The following SLC26A7 variants were observed in gnomAD, a reference collection of about 807,000 sequenced individuals.
SLC26A7 encodes the protein solute carrier family 26 member 7.
In SLC26A7, 59 loss-of-function variants were observed where a neutral mutation model predicts 82.5. The ratio of observed to expected loss-of-function variants is 0.72; its 90% CI spans 0.58 to 0.89. The LOEUF is 0.89. SLC26A7 is among the 40% of genes least tolerant of loss of function. The probability of loss-of-function intolerance (pLI) is 0.00; values close to 1 mark genes in which losing one functional copy is unlikely to be tolerated. For missense variants in SLC26A7, 820 were observed against 793.0 expected (o/e 1.03, Z -0.41); for synonymous variants, 271 against 274.3 (o/e 0.99, Z 0.12).
intron 15 of SLC26A7, among the ~76,000 whole-genome samples, chr8:91,377,105 G>C (rs1451325741): frequency 6.6e-6 from 1 of 152,084 alleles, no homozygotes. Flanking sequence ...GGTGGTCCCT[G>C]CTCATTGTGC....
chr8:91,309,691 T>C (rs775017940), intron 4 of SLC26A7, among the ~76,000 whole-genome samples: 4 of 151,892 alleles, frequency 2.6e-5, no homozygotes, highest in Non-Finnish European at 5.9e-5. Context: ...AAAGTACACT[T>C]GGGAGGGGGT....
At chr8:91,387,210 ACTT>A (rs1285487574) in intron 15 of SLC26A7, among the ~76,000 whole-genome samples, 1 of 152,180 alleles carries the variant, frequency 6.6e-6, no homozygotes, top group Admixed American at 6.5e-5. Context: ...CAATCTTAAT[ACTT>A]TCCTATCTGT....
chr8:91,331,013 A>ATGG (rs978791210), intron 5 of SLC26A7, among the ~76,000 whole-genome samples: 2 of 152,068 alleles, frequency 1.3e-5, no homozygotes, highest in African/African-American at 4.8e-5. Flanking sequence ...TGGCTTGCAG[A>ATGG]TGGTGGCCTT....
At chr8:91,358,123 A>C (rs563274632) in intron 11 of SLC26A7, among the ~76,000 whole-genome samples, 2 of 152,158 alleles carry the variant, frequency 1.3e-5, no homozygotes, top group Non-Finnish European at 2.9e-5. Context: ...GGTGCTGGAG[A>C]GGATGTGGAG....
In SLC26A7 at chr8:91,370,338, C is replaced by T. The variant is rs373264151; in HGVS notation, c.1675+505C>T. Among the ~76,000 whole-genome samples, 11 of 151,806 alleles carry T rather than the reference C, an allele frequency of 7.2e-5. No individual in the cohort carries two copies. The South Asian group carries it at 1.0e-3, about 14-fold the overall frequency. Reference sequence around the variant, plus strand: ...TTTCCCTCTCTTTCTTCTTCCTCCTCTCCCACCTCTTTTCCTTTTCTCTCC... The same window carrying T: ...TTTCCCTCTCTTTCTTCTTCCTCCTTTCCCACCTCTTTTCCTTTTCTCTCC... On this transcript the variant is annotated intron_variant, in intron 15 of 18. Transcript: ENST00000276609.
chr8:91,381,672 G>A (rs574876956), intron 15 of SLC26A7, among the ~76,000 whole-genome samples: 9 of 152,136 alleles, frequency 5.9e-5, no homozygotes, highest in African/African-American at 9.6e-5. Context: ...GTGGCCCTTC[G>A]ATACTTGCCA....
chr8:91,244,735 G>C (rs909996940), upstream of SLC26A7, among the ~76,000 whole-genome samples: 10 of 151,568 alleles, frequency 6.6e-5, no homozygotes, highest in Admixed American at 6.6e-4. Flanking sequence ...TTCCCAGACT[G>C]GTCTCAAACT....
rs780192961 is a variant in SLC26A7, at chr8:91,366,665, A to G, written c.1574A>G (p.Asn525Ser). Residue 525 changes from asparagine (N) to serine (S), a missense_variant, in exon 14 of 19, where the codon AAC becomes AGC. Asn to Ser is a conservative substitution (Grantham distance 46, BLOSUM62 1). Coordinates refer to ENST00000276609, the MANE Select transcript of SLC26A7 (RefSeq NM_052832.4). Reference protein sequence around the residue: ...NAKKFYTDLMNMIQKENACNQ... With the variant: ...NAKKFYTDLMSMIQKENACNQ... ...AAAAAATTTTATACTGATTTAATGA[A>G]CATGATCCAAAAGGAAAATGCCTGT... The G allele has an allele frequency of 1.2e-6, 2 of 1,613,572 alleles. No homozygotes were observed. The highest frequency in any genetic ancestry group is 1.7e-6 in the Non-Finnish European group (2 of 1,179,826).
intron 2 of SLC26A7, among the ~76,000 whole-genome samples, chr8:91,228,063 C>T (rs1298189597): frequency 2.0e-5 from 3 of 152,200 alleles, no homozygotes; most frequent in East Asian, 3.9e-4. Flanking sequence ...CATGAAGCCT[C>T]CTGATCTGAA....
intron 13 of SLC26A7, among the ~76,000 whole-genome samples, chr8:91,365,180 C>G (rs1349843324): frequency 6.6e-6 from 1 of 152,034 alleles, no homozygotes; most frequent in Non-Finnish European, 1.5e-5. Flanking sequence ...TTCATATTAA[C>G]TTAAAACAAC....
chr8:91,238,064 A>G (rs889517748), intron 2 of SLC26A7, among the ~76,000 whole-genome samples: 2 of 152,142 alleles, frequency 1.3e-5, no homozygotes. Flanking sequence ...TTGGACCCCC[A>G]GATTTTTGCT....
intron 2 of SLC26A7, among the ~76,000 whole-genome samples, chr8:91,259,284 G>A (rs755967742): frequency 1.1e-4 from 17 of 151,946 alleles, no homozygotes; most frequent in Non-Finnish European, 1.9e-4. Context: ...ATATGGACAT[G>A]GACTTTCTAA....
chr8:91,355,669 T>A (rs781085750), intron 11 of SLC26A7, among the ~76,000 whole-genome samples: 3 of 152,124 alleles, frequency 2.0e-5, no homozygotes, highest in Admixed American at 6.6e-5. Context: ...TAAGGTTTTT[T>A]TTCCTGAGAT....
intron 2 of SLC26A7, among the ~76,000 whole-genome samples, chr8:91,221,568 C>T (rs531856074): frequency 1.2e-3 from 186 of 152,242 alleles, no homozygotes; most frequent in African/African-American, 4.2e-3. Context: ...AGGAAGGGGT[C>T]CAGTTTCAGT....
intron 2 of SLC26A7, among the ~76,000 whole-genome samples, chr8:91,279,781 G>C (rs1178857762): frequency 6.6e-6 from 1 of 151,982 alleles, no homozygotes; most frequent in African/African-American, 2.4e-5. Context: ...GGATGGTCTC[G>C]ATCTCCTGAC....
At chr8:91,211,422 G>A (rs1293881921) in intron 1 of SLC26A7, among the ~76,000 whole-genome samples, 2 of 151,236 alleles carry the variant, frequency 1.3e-5, no homozygotes, top group African/African-American at 4.9e-5. Flanking sequence ...ATTACTAGAT[G>A]TTAGCAGTTA....
At chr8:91,304,972 C>A (rs1022340169) in intron 4 of SLC26A7, among the ~76,000 whole-genome samples, 3 of 152,154 alleles carry the variant, frequency 2.0e-5, no homozygotes, top group Non-Finnish European at 4.4e-5. Flanking sequence ...GATCTCTGGA[C>A]ATACTTATAT....
chr8:91,373,252 A>G (rs1208516238), intron 15 of SLC26A7, among the ~76,000 whole-genome samples: 3 of 152,010 alleles, frequency 2.0e-5, no homozygotes, highest in African/African-American at 7.2e-5. Context: ...TAGCACTTCC[A>G]GTACTATGTT....
chr8:91,342,304 C>T (rs1042935548), intron 8 of SLC26A7, among the ~76,000 whole-genome samples: 5 of 152,292 alleles, frequency 3.3e-5, no homozygotes, highest in African/African-American at 1.2e-4. Flanking sequence ...AAGATTTGCC[C>T]ATGCTTTCCT....
Sources: allele counts gnomAD v4.1 joint callset (sites outside exome capture counted in the v4.1 genomes callset), GRCh38; gene constraint gnomAD v4.1.1; transcripts MANE v1.5; gene names NCBI Gene and HGNC (gene_info 2026-07-23, HGNC 2026-07-21).